Variants in SEC62 observed in about 807,000 individuals in gnomAD.
SEC62 encodes translocation protein SEC62.
In SEC62, 10 loss-of-function variants were observed where a neutral mutation model predicts 47.5. The observed-to-expected ratio is 0.21, with a 90% confidence interval of 0.13 to 0.36. SEC62 has a LOEUF of 0.36. SEC62 is among the 10% of genes least tolerant of loss of function. SEC62 has a pLI of 1.00. For synonymous variants in SEC62, 136 were observed against 150.5 expected (o/e 0.90, Z 0.71); for missense variants, 327 against 464.1 (o/e 0.70, Z 2.71).
chr3:169,989,018 G>A (rs1473493344), intron 7 of SEC62, among the ~76,000 whole-genome samples: 1 of 151,790 alleles, frequency 6.6e-6, no homozygotes, highest in Non-Finnish European at 1.5e-5. Context: ...GATGCAATAA[G>A]GAGTTAATGT....
chr3:169,969,972 A>C (rs1714657274), intron 1 of SEC62, among the ~76,000 whole-genome samples: 1 of 152,156 alleles, frequency 6.6e-6, no homozygotes, highest in African/African-American at 2.4e-5. Context: ...TCATGGGCTT[A>C]TGTGCTTAAT....
In SEC62 at chr3:169,992,311, G is replaced by A. The variant is rs113358091; in HGVS notation, c.731-283G>A. On this transcript the variant is annotated intron_variant, in intron 7 of 7. Transcript: ENST00000337002. This position sits in a 1 kb window ranked among gnomAD's most constrained non-coding sequence, Gnocchi z 4.0. ...CAACATTCTGTGCCCCTAGAATACC[G>A]TGATAGCTGCTAAACTAGTCAGGAA... Among the ~76,000 whole-genome samples the A allele has an allele frequency of 4.5e-3, 691 of 152,180 alleles. 3 individuals carry two copies. The highest frequency in any genetic ancestry group is 0.016 in the African/African-American group (670 of 41,508).
In SEC62 at chr3:169,976,985, C is replaced by G; in HGVS notation, c.185C>G (p.Ala62Gly). ...AVDCLLDSKW[A>G]KAKKGEEALF... Reference sequence around the variant, plus strand: ...GACTGTCTTTTGGATTCAAAGTGGGCAAAGGCCAAGAAAGGAGAGGAAGCT... The same window carrying G: ...GACTGTCTTTTGGATTCAAAGTGGGGAAAGGCCAAGAAAGGAGAGGAAGCT... Residue 62 changes from alanine (A) to glycine (G), a missense_variant, in exon 3 of 8, where the codon GCA (alanine) becomes GGA (glycine). Physicochemically the swap from Ala to Gly is moderately conservative, Grantham distance 60 (BLOSUM62 0). Around this residue, in one of 3 missense-constraint regions of SEC62, gnomAD observed 126 missense variants for 161.2 expected, o/e 0.78. Coordinates refer to ENST00000337002, the MANE Select transcript of SEC62 (RefSeq NM_003262.4). 1 of 1,610,398 alleles carries G rather than the reference C, an allele frequency of 6.2e-7. No homozygotes were observed. The highest frequency in any genetic ancestry group is 8.5e-7 in the Non-Finnish European group (1 of 1,177,660).
intron 7 of SEC62, among the ~76,000 whole-genome samples, chr3:169,990,018 A>AT (rs1715205048): frequency 6.9e-6 from 1 of 143,906 alleles, no homozygotes; most frequent in South Asian, 2.2e-4. Flanking sequence ...ATAATATTAT[A>AT]TATCATATAT....
At chr3:169,989,154 T>C (rs1715177323) in intron 7 of SEC62, among the ~76,000 whole-genome samples, 1 of 150,500 alleles carries the variant, frequency 6.6e-6, no homozygotes, top group African/African-American at 2.4e-5. Context: ...AGTGCAGTGG[T>C]GAGATCATAG....
At chr3:169,971,864 T>C (rs1011153341) in intron 1 of SEC62, among the ~76,000 whole-genome samples, 1 of 152,248 alleles carries the variant, frequency 6.6e-6, no homozygotes, top group Non-Finnish European at 1.5e-5. Flanking sequence ...ATTTGTATCA[T>C]GCCTAAATTT....
chr3:169,978,719 C>G (rs1714902412), intron 3 of SEC62, among the ~76,000 whole-genome samples: 2 of 152,178 alleles, frequency 1.3e-5, no homozygotes, highest in Admixed American at 6.5e-5. Flanking sequence ...GAGCAAGACT[C>G]TGTCTTAAAA....
intron 6 of SEC62, 104 bp downstream of exon 6, chr3:169,985,969 TG>T (rs1307164834): frequency 4.0e-5 from 28 of 693,004 alleles, no homozygotes; most frequent in Non-Finnish European, 6.5e-5. Flanking sequence ...ATAAAATAGT[TG>T]TCATTTTAAA....
At chr3:169,977,080 CAT>C in intron 3 of SEC62, 29 bp downstream of exon 3, 1 of 1,496,544 alleles carries the variant, frequency 6.7e-7, no homozygotes, top group South Asian at 1.2e-5. Context: ...TGAAGAATAA[CAT>C]AATAATTTTA....
intron 6 of SEC62, among the ~76,000 whole-genome samples, chr3:169,986,473 G>A (rs1019712334): frequency 6.6e-6 from 1 of 151,880 alleles, no homozygotes; most frequent in Non-Finnish European, 1.5e-5. Flanking sequence ...CCACTTTAAG[G>A]AATTTACCCT....
At position 169,967,410 on chromosome 3, in the gene SEC62, TGTTCAG is replaced by T. The variant is rs775925526; in HGVS notation, c.36+553_36+558del. Among the ~76,000 whole-genome samples, 39 of 152,308 alleles carry T rather than the reference TGTTCAG, an allele frequency of 2.6e-4. 1 individual carries two copies. The highest frequency in any genetic ancestry group is 3.4e-3 in the Middle Eastern group (1 of 294). The stretch of plus-strand genomic sequence containing the variant: ...CTAGGCAGGGATCTGCTCATCCAGA[TGTTCAG>T]TTGCGTTGCCCTTCTTTCCCTTCAA... On this transcript the variant is annotated intron_variant, in intron 1 of 7. Coordinates refer to ENST00000337002, the MANE Select transcript of SEC62 (RefSeq NM_003262.4).
chr3:169,982,998 G>T, intron 4 of SEC62, 87 bp downstream of exon 4: 1 of 1,511,516 alleles, frequency 6.6e-7, no homozygotes, highest in Non-Finnish European at 8.8e-7. Context: ...TAAGTATTAT[G>T]CAACACCTAC....
rs1312521664 is a variant in SEC62 at position 169,998,309 on chromosome 3, T to C, written c.*5246T>C. Reference sequence around the variant, plus strand: ...CAAATTTAGTAAGTTACATGTGTTATGTGATGTTTTGTTTTGATAGATTAT... The same window carrying C: ...CAAATTTAGTAAGTTACATGTGTTACGTGATGTTTTGTTTTGATAGATTAT... On this transcript the variant is annotated 3_prime_UTR_variant, in exon 8 of 8. Coordinates refer to ENST00000337002, the MANE Select transcript of SEC62 (RefSeq NM_003262.4). 1 of 152,228 alleles carries C rather than the reference T, an allele frequency of 6.6e-6. No homozygotes were observed. Among genetic ancestry groups the C allele is most frequent in the Non-Finnish European group, 1.5e-5 (1 of 68,046 alleles). The allele number at this position is 152,228 out of a possible 1,614,324, so 9.4% of individuals were successfully genotyped here. A position where few individuals can be genotyped will look rare whatever the true frequency, so the allele number is the denominator to read the frequency against.
chr3:169,994,740 G>A lies in SEC62; in HGVS notation c.*1677G>A, dbSNP rs1437152783. On this transcript the variant is annotated 3_prime_UTR_variant, in exon 8 of 8. Coordinates refer to ENST00000337002, the MANE Select transcript of SEC62 (RefSeq NM_003262.4). Reference sequence around the variant, plus strand: ...ACCAGTAACATTGATACCTATTTTGGGGTATAAACATGGTGTTTTTCAGAA... The same window carrying A: ...ACCAGTAACATTGATACCTATTTTGAGGTATAAACATGGTGTTTTTCAGAA... The A allele has an allele frequency of 6.6e-6, 1 of 151,856 alleles. No homozygotes were observed. Among genetic ancestry groups the A allele is most frequent in the Non-Finnish European group, 1.5e-5 (1 of 67,954 alleles). The allele number at this position is 151,856 out of a possible 1,614,324, so 9.4% of individuals were successfully genotyped here. A position where few individuals can be genotyped will look rare whatever the true frequency, so the allele number is the denominator to read the frequency against.
At position 169,993,866 on chromosome 3, in the gene SEC62, A is replaced by T. The variant is rs545863600; in HGVS notation, c.*803A>T. ...TAGATATTTCTCAACACTTAAATTC[A>T]TAAAATTAAGACCATGTAAGGGTAT... is the stretch of plus-strand genomic sequence containing the variant. On this transcript the variant is annotated 3_prime_UTR_variant, in exon 8 of 8. Transcript: ENST00000337002. 6.6e-5 allele frequency: 10 copies of T among 152,668 alleles called. No individual in the cohort carries two copies. The highest frequency in any genetic ancestry group is 1.3e-4 in the Non-Finnish European group (9 of 68,046). The allele number at this position is 152,668 out of a possible 1,614,324, so 9.5% of individuals were successfully genotyped here. A position where few individuals can be genotyped will look rare whatever the true frequency, so the allele number is the denominator to read the frequency against.
At chr3:169,985,572 C>A (rs1221838384) in intron 5 of SEC62, 1 of 372,184 alleles carries the variant, frequency 2.7e-6, no homozygotes, top group Non-Finnish European at 4.8e-6. Flanking sequence ...TAAGAACATA[C>A]AAATTTACTT....
chr3:169,983,317 G>A, intron 5 of SEC62, 64 bp downstream of exon 5: 8 of 1,063,824 alleles, frequency 7.5e-6, no homozygotes, highest in Non-Finnish European at 1.1e-5. Context: ...GATGTTTGAT[G>A]CCTTCACTAA....
At chr3:169,972,169 A>G (rs1013578143) in intron 1 of SEC62, among the ~76,000 whole-genome samples, 2 of 152,138 alleles carry the variant, frequency 1.3e-5, no homozygotes, top group Non-Finnish European at 2.9e-5. Context: ...TTTTCTAGTT[A>G]TGTCCTATTA....
At chr3:169,980,420 G>A (rs765111884) in intron 3 of SEC62, among the ~76,000 whole-genome samples, 1 of 151,920 alleles carries the variant, frequency 6.6e-6, no homozygotes, top group Non-Finnish European at 1.5e-5. Flanking sequence ...CGGAGGCTCT[G>A]ATACTATACA....
Sources: allele counts gnomAD v4.1 joint callset (sites outside exome capture counted in the v4.1 genomes callset), GRCh38; gene constraint gnomAD v4.1.1; regional missense constraint gnomAD v4.1.1; non-coding constraint Gnocchi (gnomAD v3.1); transcripts MANE v1.5; gene names NCBI Gene and HGNC (gene_info 2026-07-23, HGNC 2026-07-21).